PTCD2: variants seen among roughly 807,000 people sequenced by gnomAD.
The protein encoded by PTCD2 is pentatricopeptide repeat-containing protein 2, mitochondrial.
PTCD2 carries 31 observed loss-of-function variants against 42.6 expected under a neutral mutation model. That is an observed-to-expected ratio of 0.73 (90% CI 0.55 to 0.98). PTCD2 has a LOEUF of 0.98. Among genes scored for constraint, PTCD2 ranks in the 50% least tolerant of loss-of-function variants. The pLI, the probability that PTCD2 is intolerant of heterozygous loss-of-function variation, is 0.00. For synonymous variants in PTCD2, 183 were observed against 170.9 expected (o/e 1.07, Z -0.55); for missense variants, 476 against 454.8 (o/e 1.05, Z -0.42).
chr5:72,352,760 T>C lies in PTCD2; in HGVS notation c.942+6T>C. The C allele has an allele frequency of 1.5e-6, 2 of 1,345,506 alleles. No homozygotes were observed. Among genetic ancestry groups the C allele is most frequent in the Non-Finnish European group, 2.1e-6 (2 of 939,572 alleles). 83.3% of individuals were successfully genotyped at this position (1,345,506 alleles called of 1,614,324 possible). A position where few individuals can be genotyped will look rare whatever the true frequency, so the allele number is the denominator to read the frequency against. On this transcript the variant is annotated splice_donor_region_variant and intron_variant, in intron 9 of 9. Coordinates refer to ENST00000380639, the MANE Select transcript of PTCD2 (RefSeq NM_024754.5). ...ATGTGTTCTCGGAGGAAGTGGTGAGTATGCAAGTGCTGCAGAAATCATTTA... is the reference window on the plus strand; with the variant it reads ...ATGTGTTCTCGGAGGAAGTGGTGAGCATGCAAGTGCTGCAGAAATCATTTA...
chr5:72,342,509 T>G (rs1752123808), intron 7 of PTCD2, among the ~76,000 whole-genome samples: 1 of 152,226 alleles, frequency 6.6e-6, no homozygotes, highest in African/African-American at 2.4e-5. Flanking sequence ...TGTACTGTTG[T>G]AGATTCTTTG....
chr5:72,335,630 T>C (rs1237229310), intron 5 of PTCD2, 164 bp from the exon 6 acceptor site: 1 of 496,140 alleles, frequency 2.0e-6, no homozygotes, highest in Non-Finnish European at 3.6e-6. Context: ...CCTGTTTGAC[T>C]TGATAGTTTA....
chr5:72,354,134 G>A (rs1056220456), intron 9 of PTCD2, among the ~76,000 whole-genome samples: 5 of 152,066 alleles, frequency 3.3e-5, no homozygotes, highest in South Asian at 4.2e-4. Context: ...GGCCAGGTGC[G>A]GTGGCTCATG....
Position 72,338,687 on chromosome 5 carries a change from T to C in PTCD2, c.705T>C (p.Ile235=), listed in dbSNP as rs773899480. The change falls in exon 7 of 10, where the codon ATT becomes ATC. Residue 235 remains isoleucine (I), a synonymous_variant. Transcript: ENST00000380639. The stretch of plus-strand genomic sequence containing the variant: ...AAGAAGCTCTACTCAAAGGAGAAAT[T>C]CTCTCCAGGAGAGCATCCTGTTTCG... ...LREEALLKGE[I]LSRRASCFAV... is the part of the protein sequence containing the mutation. 27 of 1,613,260 alleles carry C rather than the reference T, an allele frequency of 1.7e-5. No homozygotes were observed. Among genetic ancestry groups the C allele is most frequent in the Middle Eastern group, 1.6e-4 (1 of 6,062 alleles).
At chr5:72,352,509 A>G in intron 8 of PTCD2, 132 bp from the exon 9 acceptor site, 1 of 528,748 alleles carries the variant, frequency 1.9e-6, no homozygotes, top group East Asian at 3.2e-5. Flanking sequence ...AACTTGTGTA[A>G]GCAAATAAAT....
intron 8 of PTCD2, among the ~76,000 whole-genome samples, chr5:72,348,300 A>T (rs1187748249): frequency 2.0e-5 from 3 of 152,212 alleles, no homozygotes; most frequent in Admixed American, 2.0e-4. Context: ...GGAAACTGAC[A>T]GATAGGCTGA....
chr5:72,357,560 C>A (rs1433608341), intron 9 of PTCD2, among the ~76,000 whole-genome samples: 1 of 152,030 alleles, frequency 6.6e-6, no homozygotes, highest in Non-Finnish European at 1.5e-5. Flanking sequence ...GAATAAATTT[C>A]AAAAAACTTA....
At chr5:72,329,675 T>C (rs1158660643) in intron 3 of PTCD2, among the ~76,000 whole-genome samples, 1 of 140,026 alleles carries the variant, frequency 7.1e-6, no homozygotes, top group African/African-American at 2.6e-5. Flanking sequence ...TGTTGAAGAC[T>C]TGTGTGCCAG....
rs1350480859 is a variant in PTCD2, at chr5:72,364,640, T to C, written c.*6213T>C. ...TTAACGGCAGATTTTAGTTAATATG[T>C]ACAGTCTGCCACAATATACTTTAGG... On this transcript the variant is annotated 3_prime_UTR_variant, in exon 10 of 10. Coordinates refer to ENST00000380639, the MANE Select transcript of PTCD2 (RefSeq NM_024754.5). The C allele has an allele frequency of 6.6e-6, 1 of 152,210 alleles. No individual in the cohort carries two copies. Among genetic ancestry groups the C allele is most frequent in the African/African-American group, 2.4e-5 (1 of 41,454 alleles). 9.4% of individuals were successfully genotyped at this position (152,210 alleles called of 1,614,324 possible).
At chr5:72,337,326 C>A (rs1751803774) in intron 6 of PTCD2, among the ~76,000 whole-genome samples, 1 of 151,986 alleles carries the variant, frequency 6.6e-6, no homozygotes, top group Non-Finnish European at 1.5e-5. Flanking sequence ...TCATAGTTTG[C>A]TGACCTCTGG....
Position 72,320,394 on chromosome 5 carries a change from C to G in PTCD2, c.12C>G (p.Asp4Glu), listed in dbSNP as rs1248353782. The G allele has an allele frequency of 1.2e-6, 2 of 1,614,136 alleles. No homozygotes were observed. Among genetic ancestry groups the G allele is most frequent in the South Asian group, 2.2e-5 (2 of 91,080 alleles). Reference sequence around the variant, plus strand: ...TTCCAGTAGTTGGTATGGTCCGAGACAGTATGGCTGCTGCATTTCGGCCCT... The same window carrying G: ...TTCCAGTAGTTGGTATGGTCCGAGAGAGTATGGCTGCTGCATTTCGGCCCT... MVR[D>E]SMAAAFRPSN... Residue 4 changes from aspartate (D) to glutamate (E), a missense_variant, in exon 1 of 10, where the codon GAC becomes GAG. Asp to Glu is a conservative substitution (Grantham distance 45). Coordinates refer to ENST00000380639, the MANE Select transcript of PTCD2 (RefSeq NM_024754.5).
At chr5:72,358,084 C>A in intron 9 of PTCD2, 119 bp from the exon 10 acceptor site, 1 of 884,256 alleles carries the variant, frequency 1.1e-6, no homozygotes, top group Non-Finnish European at 1.8e-6. Context: ...AAAGCATGGG[C>A]CACCTCGCCT....
At chr5:72,331,459 C>T in intron 4 of PTCD2, 84 bp downstream of exon 4, 2 of 989,914 alleles carry the variant, frequency 2.0e-6, no homozygotes, top group South Asian at 2.6e-5. Context: ...GTACATTATT[C>T]CTGGGTTAGA....
At chr5:72,326,265 T>G (rs1055358241) in intron 2 of PTCD2, among the ~76,000 whole-genome samples, 3 of 152,228 alleles carry the variant, frequency 2.0e-5, no homozygotes, top group Non-Finnish European at 4.4e-5. Context: ...AGAGATTCAG[T>G]TATTTGAGCC....
chr5:72,342,020 G>A (rs186917835), intron 7 of PTCD2, among the ~76,000 whole-genome samples: 90 of 151,870 alleles, frequency 5.9e-4, no homozygotes, highest in Middle Eastern at 3.4e-3. Context: ...ACTCCAGCCT[G>A]GGCAACAGAG....
intron 4 of PTCD2, among the ~76,000 whole-genome samples, chr5:72,332,260 T>A (rs1751476549): frequency 6.6e-6 from 1 of 152,232 alleles, no homozygotes; most frequent in South Asian, 2.1e-4. Context: ...ATGTTAACTC[T>A]AGACTTGCTC....
At chr5:72,342,124 G>A (rs533114755) in intron 7 of PTCD2, among the ~76,000 whole-genome samples, 5 of 151,888 alleles carry the variant, frequency 3.3e-5, no homozygotes, top group African/African-American at 7.3e-5. Flanking sequence ...CTTTTAGACC[G>A]GTCATTTGTA....
At chr5:72,353,914 ATTCT>A in intron 9 of PTCD2, among the ~76,000 whole-genome samples, 1 of 152,364 alleles carries the variant, frequency 6.6e-6, no homozygotes, top group Non-Finnish European at 1.5e-5. Context: ...ACATTAGTAG[ATTCT>A]TTAATATCCT....
chr5:72,353,263 T>G (rs776580112), intron 9 of PTCD2, among the ~76,000 whole-genome samples: 9 of 152,132 alleles, frequency 5.9e-5, no homozygotes, highest in Non-Finnish European at 1.3e-4. Context: ...TCTGACCCAC[T>G]CCACAGCATC....
Sources: allele counts gnomAD v4.1 joint callset (sites outside exome capture counted in the v4.1 genomes callset), GRCh38; gene constraint gnomAD v4.1.1; transcripts MANE v1.5; gene names NCBI Gene and HGNC (gene_info 2026-07-23, HGNC 2026-07-21).